Variants in TSC2 observed in about 807,000 individuals in gnomAD.
TSC2 encodes the protein TSC complex subunit 2, also known as tuberin.
A neutral mutation model predicts 202.2 loss-of-function variants in TSC2; 29 were observed. The ratio of observed to expected loss-of-function variants is 0.14; its 90% CI spans 0.11 to 0.20. The LOEUF (loss-of-function observed/expected upper bound fraction) is 0.20, where lower values mean the gene tolerates loss of function less well. TSC2 is among the 10% of genes least tolerant of loss of function. The probability of loss-of-function intolerance (pLI) is 1.00; values close to 1 mark genes in which losing one functional copy is unlikely to be tolerated. For synonymous variants in TSC2, 1,349 were observed against 1,044.0 expected (o/e 1.29, Z -5.63); for missense variants, 2,429 against 2,420.0 (o/e 1.00, Z -0.08).
chr16:2,072,841 G>C lies in TSC2; in HGVS notation c.2221-8G>C, dbSNP rs768919244. On this transcript the variant is annotated splice_polypyrimidine_tract_variant and splice_region_variant and intron_variant, in intron 20 of 41. Coordinates refer to ENST00000219476, the MANE Select transcript of TSC2 (RefSeq NM_000548.5). Reference sequence around the variant, plus strand: ...GGGAGAGGTTTCATGCCTGGATTTGGTCATCAGCTTTCAGGCCCAAAGACA... The same window carrying C: ...GGGAGAGGTTTCATGCCTGGATTTGCTCATCAGCTTTCAGGCCCAAAGACA... 9 of 1,613,482 alleles carry C rather than the reference G, an allele frequency of 5.6e-6. No individual in the cohort carries two copies. In the South Asian group the frequency reaches 7.7e-5, roughly 14 times the overall value.
rs753288143 is a variant in TSC2 at position 2,064,241 on chromosome 16, G to C, written c.1444-31G>C. 12 of 1,613,684 alleles carry C rather than the reference G, an allele frequency of 7.4e-6. No homozygotes were observed. The African/African-American group carries it at 1.5e-4, about 20-fold the overall frequency. ...ACGAGATGTGGCCCTCGTTGGGCTG[G>C]CGCTCATTGGCCTCCCTTGTGCCTG... On this transcript the variant is annotated intron_variant, in intron 14 of 41. Coordinates refer to ENST00000219476, the MANE Select transcript of TSC2 (RefSeq NM_000548.5).
intron 16 of TSC2, 110 bp downstream of exon 16, chr16:2,065,745 T>A: frequency 1.0e-6 from 1 of 984,774 alleles, no homozygotes; most frequent in Non-Finnish European, 1.6e-6. Flanking sequence ...ACACCCTCCC[T>A]GGATTTGCTG....
chr16:2,071,445 G>A lies in TSC2; in HGVS notation c.1840-65G>A, dbSNP rs878862756. 4.4e-6 allele frequency: 7 copies of A among 1,578,274 alleles called. No individual in the cohort carries two copies. In the South Asian group the frequency reaches 4.5e-5, roughly 10 times the overall value. On this transcript the variant is annotated intron_variant, in intron 17 of 41. Coordinates refer to ENST00000219476, the MANE Select transcript of TSC2 (RefSeq NM_000548.5). Reference sequence around the variant, plus strand: ...GTGCTGGACGTGGGTCTGAGCAGGTGGGACGCCGCCTGTCCTGGGCCTGCA... The same window carrying A: ...GTGCTGGACGTGGGTCTGAGCAGGTAGGACGCCGCCTGTCCTGGGCCTGCA...
chr16:2,087,739 A>C (rs2091020530), intron 38 of TSC2, 124 bp from the exon 39 acceptor site: 6 of 1,227,824 alleles, frequency 4.9e-6, no homozygotes, highest in Non-Finnish European at 5.8e-6. Flanking sequence ...GCCAGAGGGG[A>C]AAGTTCAGGG....
Position 2,089,004 on chromosome 16 carries a change from T to G in TSC2, c.*394T>G. On this transcript the variant is annotated 3_prime_UTR_variant, in exon 42 of 42. Coordinates refer to ENST00000219476, the MANE Select transcript of TSC2 (RefSeq NM_000548.5). ...AGTCCTGCTACTTGCCCAGACCTGA[T>G]GCCAGCAGGCCTGGGCGCTGCTCTC... 4.1e-6 allele frequency: 1 copy of G among 242,138 alleles called. No homozygotes were observed. Among genetic ancestry groups the G allele is most frequent in the Non-Finnish European group, 8.2e-6 (1 of 121,934 alleles). 15.0% of individuals were successfully genotyped at this position (242,138 alleles called of 1,614,324 possible).
rs763702215 is a variant in TSC2 at position 2,079,204 on chromosome 16, C to A, written c.3131+8C>A. The stretch of plus-strand genomic sequence containing the variant: ...CACGGCTGTCCCGAAGAGGTCCAGG[C>A]GGCACTACAGGGCTGGGCGGGCCTG... On this transcript the variant is annotated splice_region_variant and intron_variant, in intron 27 of 41. Coordinates refer to ENST00000219476, the MANE Select transcript of TSC2 (RefSeq NM_000548.5). This position sits in a 1 kb window ranked among gnomAD's most constrained non-coding sequence, Gnocchi z 4.6. 1 of 1,612,726 alleles carries A rather than the reference C, an allele frequency of 6.2e-7. No homozygotes were observed. The highest frequency in any genetic ancestry group is 1.3e-5 in the African/African-American group (1 of 74,898).
Position 2,056,216 on chromosome 16 carries a change from TCCGGACC to T in TSC2, c.621_627del (p.Thr209ProfsTer5). ...TGCAGGATGATCTGTCTGCTGTGCG[TCCGGACC>T]GCGTCCTCTGTGGACATAGAGGTCA... is the stretch of plus-strand genomic sequence containing the variant. On this transcript the variant is annotated frameshift_variant, in exon 7 of 42. Coordinates refer to ENST00000219476, the MANE Select transcript of TSC2 (RefSeq NM_000548.5). LOFTEE classifies it high-confidence loss of function. 1 of 1,614,006 alleles carries T rather than the reference TCCGGACC, an allele frequency of 6.2e-7. No homozygotes were observed. Among genetic ancestry groups the T allele is most frequent in the Non-Finnish European group, 8.5e-7 (1 of 1,180,036 alleles).
intron 11 of TSC2, 140 bp from the exon 12 acceptor site, chr16:2,061,731 G>C (rs959018069): frequency 4.0e-5 from 58 of 1,432,202 alleles, no homozygotes; most frequent in Non-Finnish European, 5.2e-5. Flanking sequence ...AGAGGGCTGG[G>C]GGCGTCTGTC....
In TSC2 at chr16:2,060,538, C is replaced by T. The variant is rs373940439; in HGVS notation, c.976-132C>T. On this transcript the variant is annotated intron_variant, in intron 10 of 41. Transcript: ENST00000219476. The stretch of plus-strand genomic sequence containing the variant: ...CTGGGCGCCCCACCTGCTGTTTCTG[C>T]GGCCCCTGATAAACGTGTGGTGGGC... 76 of 1,481,628 alleles carry T rather than the reference C, an allele frequency of 5.1e-5. 1 individual carries two copies. Among genetic ancestry groups the T allele is most frequent in the Admixed American group, 5.1e-4 (30 of 59,066 alleles). The allele number at this position is 1,481,628 out of a possible 1,614,324, so 91.8% of individuals were successfully genotyped here. A position where few individuals can be genotyped will look rare whatever the true frequency, so the allele number is the denominator to read the frequency against.
intron 10 of TSC2, among the ~76,000 whole-genome samples, chr16:2,059,605 C>T (rs940959705): frequency 9.3e-5 from 14 of 151,042 alleles, no homozygotes; most frequent in South Asian, 2.1e-4. Flanking sequence ...GCGCAACCTC[C>T]GCCTCCCAGG....
rs775590764 is a variant in TSC2 at position 2,058,829 on chromosome 16, T to C, written c.931T>C (p.Ser311Pro). 1 of 1,606,000 alleles carries C rather than the reference T, an allele frequency of 6.2e-7. No homozygotes were observed. Among genetic ancestry groups the C allele is most frequent in the East Asian group, 2.2e-5 (1 of 44,752 alleles). The change falls in exon 10 of 42, where the codon TCT (serine) becomes CCT (proline). Residue 311 changes from serine to proline, a missense_variant. By Grantham distance (74) the Ser-to-Pro change is moderately conservative. Coordinates refer to ENST00000219476, the MANE Select transcript of TSC2 (RefSeq NM_000548.5). ...TCTCTGGGGAGCCCACCGGCTCTAT[T>C]CTCTCAGGAACTCGCCGACATCTGT... ...MALWGAHRLY[S>P]LRNSPTSVLP...
In TSC2 at chr16:2,088,096, G is replaced by A. The variant is rs45517392; in HGVS notation, c.5117G>A (p.Arg1706His). 9.5e-5 allele frequency: 154 copies of A among 1,612,878 alleles called. No homozygotes were observed. The highest frequency in any genetic ancestry group is 4.9e-4 in the Middle Eastern group (3 of 6,062). ...DTSVAKIVSD[R>H]NLPFVARQMA... ...AGCGTGGCCAAGATCGTGTCTGACC[G>A]CAACCTGCCCTTCGTGGCCCGCCAG... Residue 1706 changes from arginine to histidine, a missense_variant, in exon 40 of 42, where the codon CGC becomes CAC. Arg to His is a conservative substitution (Grantham distance 29). Coordinates refer to ENST00000219476, the MANE Select transcript of TSC2 (RefSeq NM_000548.5).
rs1178654694 is a variant in TSC2, at chr16:2,071,866, C to T, written c.2029C>T (p.Pro677Ser). ...GCCTCCTGGCCCGGCGCCTGCAGGC[C>T]CCGCCGTGCGGCTGGGGTCCGTGCC... ...TGPPGPAPAG[P>S]AVRLGSVPYS... Residue 677 changes from proline (P) to serine (S), a missense_variant, in exon 19 of 42, where the codon CCC (proline) becomes TCC (serine). Physicochemically the swap from Pro to Ser is moderately conservative, Grantham distance 74 (BLOSUM62 -1). Coordinates refer to ENST00000219476, the MANE Select transcript of TSC2 (RefSeq NM_000548.5). 6 of 1,558,874 alleles carry T rather than the reference C, an allele frequency of 3.8e-6. No individual in the cohort carries two copies. Among genetic ancestry groups the T allele is most frequent in the South Asian group, 3.6e-5 (3 of 83,838 alleles).
intron 30 of TSC2, 192 bp downstream of exon 30, chr16:2,080,569 C>T (rs930708917): frequency 1.5e-5 from 10 of 663,122 alleles, no homozygotes; most frequent in African/African-American, 7.3e-5. Context: ...CTGCAAGCTC[C>T]ACCTCCCGGG....
intron 30 of TSC2, 87 bp downstream of exon 30, chr16:2,080,464 C>G: frequency 1.3e-6 from 2 of 1,497,624 alleles, no homozygotes; most frequent in Non-Finnish European, 1.8e-6. Context: ...AGACTTGGCC[C>G]TCTTGGGATA....
At chr16:2,055,846 G>C in intron 6 of TSC2, 7 of 455,104 alleles carry the variant, frequency 1.5e-5, no homozygotes, top group Non-Finnish European at 1.2e-5. Flanking sequence ...AGCGGAGATC[G>C]TGCCACTGCA....
chr16:2,056,967 G>A (rs1215330489), intron 8 of TSC2, 138 bp from the exon 9 acceptor site: 6 of 1,372,952 alleles, frequency 4.4e-6, no homozygotes, highest in South Asian at 1.2e-5. Context: ...TGCTGCCTCT[G>A]TCTTTGGGAG....
In TSC2 at chr16:2,084,673, C is replaced by T. The variant is rs1403933873; in HGVS notation, c.4451C>T (p.Ala1484Val). ...RVERDALKSRATASNAEKVPG... is the reference protein window; with the variant it reads ...RVERDALKSRVTASNAEKVPG... ...GAGAGGGACGCCTTAAAGAGCAGAG[C>T]CACAGCCTCCAATGCAGAGAAAGTG... The change falls in exon 34 of 42, where the codon GCC (alanine) becomes GTC (valine). Residue 1484 changes from alanine to valine, a missense_variant. Coordinates refer to ENST00000219476, the MANE Select transcript of TSC2 (RefSeq NM_000548.5). The T allele has an allele frequency of 1.3e-6, 2 of 1,598,688 alleles. No individual in the cohort carries two copies. Among genetic ancestry groups the T allele is most frequent in the Non-Finnish European group, 1.7e-6 (2 of 1,179,848 alleles).
rs545237021 is a variant in TSC2 at position 2,078,784 on chromosome 16, G to A, written c.2967-248G>A. The A allele has an allele frequency of 1.1e-5, 6 of 566,486 alleles. No homozygotes were observed. In the East Asian group the frequency reaches 1.5e-4, roughly 14 times the overall value. The allele number at this position is 566,486 out of a possible 1,614,324, so 35.1% of individuals were successfully genotyped here. On this transcript the variant is annotated intron_variant, in intron 26 of 41. Coordinates refer to ENST00000219476, the MANE Select transcript of TSC2 (RefSeq NM_000548.5). Reference sequence around the variant, plus strand: ...CGTGGGCTTCGGTGAGGGGGATGTCGGTCTCTAGCCTCCTGAGTCTGCTCC... The same window carrying A: ...CGTGGGCTTCGGTGAGGGGGATGTCAGTCTCTAGCCTCCTGAGTCTGCTCC...
Sources: allele counts gnomAD v4.1 joint callset (sites outside exome capture counted in the v4.1 genomes callset), GRCh38; gene constraint gnomAD v4.1.1; non-coding constraint Gnocchi (gnomAD v3.1); transcripts MANE v1.5; gene names NCBI Gene and HGNC (gene_info 2026-07-23, HGNC 2026-07-21).